Variants in KIT observed in about 807,000 individuals in gnomAD.
The protein encoded by KIT is KIT proto-oncogene, receptor tyrosine kinase, also known as mast/stem cell growth factor receptor Kit.
KIT carries 16 observed loss-of-function variants against 105.7 expected under a neutral mutation model. That is an observed-to-expected ratio of 0.15 (90% CI 0.10 to 0.23). The LOEUF (loss-of-function observed/expected upper bound fraction) is 0.23, where lower values mean the gene tolerates loss of function less well. KIT is among the 10% of genes least tolerant of loss of function. The pLI is 1.00. For synonymous variants in KIT, 438 were observed against 441.1 expected (o/e 0.99, Z 0.09); for missense variants, 858 against 1,213.8 (o/e 0.71, Z 4.36).
chr4:54,685,194 C>T (rs1453785321), intron 1 of KIT, among the ~76,000 whole-genome samples: 3 of 152,140 alleles, frequency 2.0e-5, no homozygotes, highest in African/African-American at 7.2e-5. Flanking sequence ...CCACTCCCTC[C>T]CTGGGGGATT....
At chr4:54,691,515 G>A (rs1278600800) in intron 1 of KIT, among the ~76,000 whole-genome samples, 7 of 152,108 alleles carry the variant, frequency 4.6e-5, no homozygotes, top group Admixed American at 3.9e-4. Context: ...GCATGACAAC[G>A]GATGAAGAAT....
chr4:54,722,450 C>T (rs1026681992), intron 7 of KIT, among the ~76,000 whole-genome samples: 1 of 152,134 alleles, frequency 6.6e-6, no homozygotes, highest in Non-Finnish European at 1.5e-5. Context: ...TAGAAACTTA[C>T]TCAAGTTCAA....
In KIT at chr4:54,725,995, C is replaced by T. The variant is rs775498908; in HGVS notation, c.1485C>T (p.Asn495=). The T allele has an allele frequency of 6.8e-6, 11 of 1,614,100 alleles. No individual in the cohort carries two copies. In the South Asian group the frequency reaches 7.7e-5, roughly 11 times the overall value. ...HNGTVECKAY[N]DVGKTSAYFN... ...GCACGGTTGAATGTAAGGCTTACAA[C>T]GATGTGGGCAAGACTTCTGCCTATT... Residue 495 remains asparagine, a synonymous_variant, in exon 9 of 21, where the codon AAC becomes AAT. Coordinates refer to ENST00000288135, the MANE Select transcript of KIT (RefSeq NM_000222.3).
rs141599845 is a variant in KIT at position 54,702,320 on chromosome 4, A to T, written c.757-1404A>T. On this transcript the variant is annotated intron_variant, in intron 4 of 20. Coordinates refer to ENST00000288135, the MANE Select transcript of KIT (RefSeq NM_000222.3). ...TTTAATAATATATTTTATTTGACTC[A>T]GTGTGTCTAAAATATTATTTCATAA... Among the ~76,000 whole-genome samples the T allele has an allele frequency of 2.0e-5, 3 of 152,242 alleles. No homozygotes were observed. In the East Asian group the frequency reaches 5.8e-4, roughly 29 times the overall value.
rs1722968421 is a variant in KIT at position 54,737,188 on chromosome 4, A to C, written c.2710A>C (p.Lys904Gln). 6.2e-7 allele frequency: 1 copy of C among 1,612,226 alleles called. No individual in the cohort carries two copies. Among genetic ancestry groups the C allele is most frequent in the African/African-American group, 1.3e-5 (1 of 75,006 alleles). Residue 904 changes from lysine (K) to glutamine (Q), a missense_variant, in exon 20 of 21, where the codon AAG becomes CAG. Transcript: ENST00000288135. The stretch of plus-strand genomic sequence containing the variant: ...CTTGTCTTGCAGGTATGACATAATG[A>C]AGACTTGCTGGGATGCAGATCCCCT... ...HAPAEMYDIM[K>Q]TCWDADPLKR...
chr4:54,729,279 G>T (rs2109785443), intron 13 of KIT, 56 bp from the exon 14 acceptor site: 1 of 1,590,376 alleles, frequency 6.3e-7, no homozygotes, highest in Non-Finnish European at 8.6e-7. Flanking sequence ...TTTATGGGAG[G>T]CAGAATTAAT....
intron 4 of KIT, among the ~76,000 whole-genome samples, chr4:54,700,699 T>C (rs1720402584): frequency 6.6e-6 from 1 of 152,220 alleles, no homozygotes; most frequent in South Asian, 2.1e-4. Flanking sequence ...CTGCCCCATG[T>C]TCAACATTGG....
chr4:54,659,390 A>AT (rs1717071084), intron 1 of KIT, among the ~76,000 whole-genome samples: 2 of 152,124 alleles, frequency 1.3e-5, no homozygotes, highest in Non-Finnish European at 2.9e-5. Flanking sequence ...CTCCCAGGTC[A>AT]TTTTTTAAAA....
At chr4:54,700,174 TAG>T (rs1720367460) in intron 4 of KIT, among the ~76,000 whole-genome samples, 1 of 152,212 alleles carries the variant, frequency 6.6e-6, no homozygotes, top group African/African-American at 2.4e-5. Context: ...TTAAAAAGAA[TAG>T]AGAGTCTCAA....
rs533152310 is a variant in KIT, at chr4:54,739,643, C to T, written c.*1086C>T. On this transcript the variant is annotated 3_prime_UTR_variant, in exon 21 of 21. Transcript: ENST00000288135. ...TCCTTCGCAGGCATGTCCTGGACAC[C>T]GGGCCAGTATCTATATATGTGTATG... is the stretch of plus-strand genomic sequence containing the variant. 22 of 233,512 alleles carry T rather than the reference C, an allele frequency of 9.4e-5. No individual in the cohort carries two copies. The highest frequency in any genetic ancestry group is 1.8e-4 in the South Asian group (1 of 5,522). The allele number at this position is 233,512 out of a possible 1,614,324, so 14.5% of individuals were successfully genotyped here.
At chr4:54,712,275 G>T (rs1011649922) in intron 7 of KIT, among the ~76,000 whole-genome samples, 1 of 152,058 alleles carries the variant, frequency 6.6e-6, no homozygotes, top group Non-Finnish European at 1.5e-5. Flanking sequence ...TTATTTTTTA[G>T]ATTCAATAGA....
chr4:54,720,718 A>T (rs1055968842), intron 7 of KIT, among the ~76,000 whole-genome samples: 7 of 152,190 alleles, frequency 4.6e-5, no homozygotes, highest in Non-Finnish European at 1.0e-4. Context: ...AGAATTTACC[A>T]TGTAGTGTTA....
At chr4:54,714,736 A>G (rs894344761) in intron 7 of KIT, among the ~76,000 whole-genome samples, 1 of 152,176 alleles carries the variant, frequency 6.6e-6, no homozygotes, top group African/African-American at 2.4e-5. Context: ...ATATGTGGCA[A>G]ACGGTATTTA....
chr4:54,658,776 G>T (rs1383484397), intron 1 of KIT, among the ~76,000 whole-genome samples: 1 of 152,162 alleles, frequency 6.6e-6, no homozygotes, highest in Admixed American at 6.5e-5. Flanking sequence ...GAGCCTGGAG[G>T]TGGTGGCGAC....
At chr4:54,672,482 T>A (rs1367412729) in intron 1 of KIT, among the ~76,000 whole-genome samples, 1 of 152,152 alleles carries the variant, frequency 6.6e-6, no homozygotes, top group Non-Finnish European at 1.5e-5. Context: ...GCTGTTTTTG[T>A]GGGGGCTATT....
At chr4:54,666,610 G>T (rs918131376) in intron 1 of KIT, among the ~76,000 whole-genome samples, 1 of 152,104 alleles carries the variant, frequency 6.6e-6, no homozygotes, top group Non-Finnish European at 1.5e-5. Flanking sequence ...TCTTTCATTA[G>T]AAGGGTTGGC....
At chr4:54,726,542 TAAC>T (rs1722224225) in intron 9 of KIT, among the ~76,000 whole-genome samples, 1 of 152,250 alleles carries the variant, frequency 6.6e-6, no homozygotes, top group Admixed American at 6.5e-5. Flanking sequence ...CTAACTCTCT[TAAC>T]AAGTTAAAAG....
intron 1 of KIT, among the ~76,000 whole-genome samples, chr4:54,676,751 A>T (rs1440076549): frequency 6.6e-6 from 1 of 152,176 alleles, no homozygotes; most frequent in African/African-American, 2.4e-5. Context: ...TCCATTTTGC[A>T]CACAGCACTT....
rs1481097776 is a variant in KIT, at chr4:54,740,331, C to A, written c.*1774C>A. 1 of 233,516 alleles carries A rather than the reference C, an allele frequency of 4.3e-6. No homozygotes were observed. Among genetic ancestry groups the A allele is most frequent in the Non-Finnish European group, 8.5e-6 (1 of 117,968 alleles). 14.5% of individuals were successfully genotyped at this position (233,516 alleles called of 1,614,324 possible). A position where few individuals can be genotyped will look rare whatever the true frequency, so the allele number is the denominator to read the frequency against. Reference sequence around the variant, plus strand: ...AATTCCTTTGTGTTTCTATTGACTTCAATGATAGTAAGAAAAGTGGTTGTT... The same window carrying A: ...AATTCCTTTGTGTTTCTATTGACTTAAATGATAGTAAGAAAAGTGGTTGTT... On this transcript the variant is annotated 3_prime_UTR_variant, in exon 21 of 21. Coordinates refer to ENST00000288135, the MANE Select transcript of KIT (RefSeq NM_000222.3).
Sources: gnomAD v4.1 joint callset for allele counts (sites outside exome capture counted in the v4.1 genomes callset) on GRCh38, gnomAD v4.1.1 for gene constraint, MANE v1.5 for transcripts, NCBI Gene and HGNC (gene_info 2026-07-23, HGNC 2026-07-21) for gene names.